MEI4: variants seen among roughly 807,000 people sequenced by gnomAD.
The protein encoded by MEI4 is meiosis-specific protein MEI4.
A neutral mutation model predicts 31.4 loss-of-function variants in MEI4; 27 were observed. The ratio of observed to expected loss-of-function variants is 0.86; its 90% CI spans 0.63 to 1.19. MEI4 has a LOEUF of 1.19. MEI4 is among the 50% of genes most tolerant of loss of function. MEI4 has a pLI of 0.00. For synonymous variants in MEI4, 122 were observed against 145.4 expected (o/e 0.84, Z 1.16); for missense variants, 329 against 398.9 (o/e 0.82, Z 1.49).
rs186776163 is a variant in MEI4 at position 77,885,441 on chromosome 6, G to A, written c.901-37648G>A. On this transcript the variant is annotated intron_variant, in intron 4 of 4. Coordinates refer to ENST00000684080, the MANE Select transcript of MEI4 (RefSeq NM_001322247.2). ...TGCTCGGCTCAAGCAATCCACTCAC[G>A]TCAGCCTCCCAAAGTGCTGAGATTA... Among the ~76,000 whole-genome samples the A allele has an allele frequency of 3.8e-3, 573 of 152,072 alleles. 4 individuals carry two copies. The highest frequency in any genetic ancestry group is 0.012 in the African/African-American group (513 of 41,506).
At position 77,847,020 on chromosome 6, in the gene MEI4, G is replaced by A. The variant is rs557935649; in HGVS notation, c.900+17958G>A. ...TGAGAAACTGAAGGATTTTGTGTTGGGGAAATAATGTTTAACAACAATGAC... is the reference window on the plus strand; with the variant it reads ...TGAGAAACTGAAGGATTTTGTGTTGAGGAAATAATGTTTAACAACAATGAC... On this transcript the variant is annotated intron_variant, in intron 4 of 4. Transcript: ENST00000684080. The surrounding 1 kb of genome is among the most constrained non-coding windows in gnomAD (Gnocchi z 4.6). Among the ~76,000 whole-genome samples the A allele has an allele frequency of 6.6e-6, 1 of 152,206 alleles. No homozygotes were observed. Among genetic ancestry groups the A allele is most frequent in the South Asian group, 2.1e-4 (1 of 4,826 alleles).
intron 3 of MEI4, among the ~76,000 whole-genome samples, chr6:77,777,424 T>A (rs1220982445): frequency 2.0e-5 from 3 of 152,102 alleles, no homozygotes; most frequent in Non-Finnish European, 4.4e-5. Context: ...GCACTTAGAA[T>A]CCTGAAGCCC....
At chr6:77,807,422 T>C (rs1017586207) in intron 3 of MEI4, among the ~76,000 whole-genome samples, 4 of 152,128 alleles carry the variant, frequency 2.6e-5, no homozygotes, top group African/African-American at 9.6e-5. Flanking sequence ...TGGGAATTTT[T>C]AAACATTTAC....
At chr6:77,748,029 G>A (rs778492965) in intron 2 of MEI4, among the ~76,000 whole-genome samples, 3 of 152,240 alleles carry the variant, frequency 2.0e-5, no homozygotes, top group Non-Finnish European at 2.9e-5. Flanking sequence ...CGCATCTGCT[G>A]ATGCAAGGGG....
At chr6:77,789,590 T>C (rs992006837) in intron 3 of MEI4, among the ~76,000 whole-genome samples, 9 of 151,998 alleles carry the variant, frequency 5.9e-5, no homozygotes, top group African/African-American at 9.7e-5. Flanking sequence ...AAAAAGTGGG[T>C]GAAGGACATG....
chr6:77,788,888 A>C (rs1347555476), intron 3 of MEI4, among the ~76,000 whole-genome samples: 1 of 152,218 alleles, frequency 6.6e-6, no homozygotes, highest in African/African-American at 2.4e-5. Context: ...TTCTTCACAG[A>C]ATTGGAAAAA....
At chr6:77,889,410 A>G (rs1329213467) in intron 4 of MEI4, among the ~76,000 whole-genome samples, 1 of 152,204 alleles carries the variant, frequency 6.6e-6, no homozygotes, top group East Asian at 1.9e-4. Context: ...TACTTTAGCA[A>G]AGAGACTGGC....
At chr6:77,799,892 C>T (rs761587305) in intron 3 of MEI4, among the ~76,000 whole-genome samples, 7 of 152,148 alleles carry the variant, frequency 4.6e-5, no homozygotes, top group Non-Finnish European at 8.8e-5. Flanking sequence ...GTTTTGGTTA[C>T]TGTAGCCTTG....
intron 1 of MEI4, among the ~76,000 whole-genome samples, chr6:77,664,327 T>C (rs1768578172): frequency 2.6e-5 from 4 of 152,172 alleles, no homozygotes; most frequent in Admixed American, 2.6e-4. Flanking sequence ...GTCTCAGGGT[T>C]GCTGCCAAAC....
At chr6:77,674,009 GTCT>G (rs933956342) in intron 1 of MEI4, among the ~76,000 whole-genome samples, 15 of 152,114 alleles carry the variant, frequency 9.9e-5, no homozygotes, top group Non-Finnish European at 1.6e-4. Flanking sequence ...TATTTAAAAG[GTCT>G]TCTATATATG....
chr6:77,744,324 A>G (rs7762157), intron 2 of MEI4, among the ~76,000 whole-genome samples: 22,771 of 152,214 alleles, frequency 0.15, 2,047 homozygotes, highest in East Asian at 0.39. Context: ...TGAAGAATGC[A>G]GAAGCCTCAG....
chr6:77,861,496 G>A (rs1439272331), intron 4 of MEI4, among the ~76,000 whole-genome samples: 2 of 151,968 alleles, frequency 1.3e-5, no homozygotes, highest in Non-Finnish European at 2.9e-5. Context: ...TTAAATGCCT[G>A]GAAAAATCAG....
At chr6:77,908,024 G>T (rs1440981351) in intron 4 of MEI4, among the ~76,000 whole-genome samples, 1 of 149,236 alleles carries the variant, frequency 6.7e-6, no homozygotes, top group African/African-American at 2.5e-5. Context: ...ATTTGTTTGA[G>T]TTCATTGTAG....
At chr6:77,795,937 GA>G (rs1353893695) in intron 3 of MEI4, among the ~76,000 whole-genome samples, 2 of 152,220 alleles carry the variant, frequency 1.3e-5, no homozygotes, top group East Asian at 1.9e-4. Flanking sequence ...ACCAAAGCTA[GA>G]CAAGGACAGT....
At chr6:77,652,263 T>C (rs1768312140), upstream of MEI4, among the ~76,000 whole-genome samples, 1 of 152,168 alleles carries the variant, frequency 6.6e-6, no homozygotes, top group Non-Finnish European at 1.5e-5. Context: ...AGACACATTT[T>C]AAAATATAGG....
intron 3 of MEI4, among the ~76,000 whole-genome samples, chr6:77,816,603 G>C (rs1769695079): frequency 6.6e-6 from 1 of 152,108 alleles, no homozygotes; most frequent in South Asian, 2.1e-4. Flanking sequence ...ATAAACATAG[G>C]TGTGCATGTG....
intron 4 of MEI4, among the ~76,000 whole-genome samples, chr6:77,907,381 TGC>T (rs1488764523): frequency 6.6e-6 from 1 of 152,148 alleles, no homozygotes; most frequent in Non-Finnish European, 1.5e-5. Context: ...AGTGAGAACA[TGC>T]AGTGTTTGGT....
intron 4 of MEI4, among the ~76,000 whole-genome samples, chr6:77,842,520 A>C (rs1770389516): frequency 6.6e-6 from 1 of 152,154 alleles, no homozygotes; most frequent in South Asian, 2.1e-4. Flanking sequence ...TAAAAGGAAG[A>C]AAATAATGAA....
chr6:77,729,131 A>G (rs993720343), intron 2 of MEI4, among the ~76,000 whole-genome samples: 1 of 152,226 alleles, frequency 6.6e-6, no homozygotes, highest in African/African-American at 2.4e-5. Flanking sequence ...AGGAAGTAGG[A>G]AGACATTCTT....
Sources: gnomAD v4.1 joint callset for allele counts (sites outside exome capture counted in the v4.1 genomes callset) on GRCh38, gnomAD v4.1.1 for gene constraint, Gnocchi (gnomAD v3.1) non-coding constraint, MANE v1.5 for transcripts, NCBI Gene and HGNC (gene_info 2026-07-23, HGNC 2026-07-21) for gene names.